DCC: variants seen among roughly 807,000 people sequenced by gnomAD.
DCC encodes the protein netrin receptor DCC.
DCC carries 58 observed loss-of-function variants against 172.5 expected under a neutral mutation model. The ratio of observed to expected loss-of-function variants is 0.34; its 90% CI spans 0.27 to 0.42. The LOEUF (loss-of-function observed/expected upper bound fraction) is 0.42. Ranked by LOEUF, DCC falls within the 10% of genes least tolerant of loss-of-function variation. The pLI, the probability that DCC is intolerant of heterozygous loss-of-function variation, is 1.00. For synonymous variants in DCC, 709 were observed against 644.5 expected, an observed-to-expected ratio of 1.10 and a Z score of -1.52; for missense variants, 1,740 against 1,791.0, an observed-to-expected ratio of 0.97 and a Z score of 0.51.
At chr18:52,626,172 T>G (rs2034570662) in intron 1 of DCC, among the ~76,000 whole-genome samples, 2 of 152,230 alleles carry the variant, frequency 1.3e-5, no homozygotes. Context: ...TCTGCATGGA[T>G]GCCTAGTAAA....
intron 2 of DCC, among the ~76,000 whole-genome samples, chr18:52,821,226 C>T (rs566721427): frequency 2.6e-5 from 4 of 152,256 alleles, no homozygotes; most frequent in African/African-American, 9.6e-5. Flanking sequence ...GGCTCCACTT[C>T]CCCCTTGTTA....
At chr18:52,762,491 A>AT (rs1568087306) in intron 2 of DCC, among the ~76,000 whole-genome samples, 2 of 151,216 alleles carry the variant, frequency 1.3e-5, no homozygotes, top group South Asian at 2.1e-4. Flanking sequence ...AAAAACAAAC[A>AT]TTTTTTAAAC....
chr18:53,173,808 T>C (rs1309822822), intron 8 of DCC, among the ~76,000 whole-genome samples: 1 of 136,226 alleles, frequency 7.3e-6, no homozygotes, highest in Admixed American at 7.6e-5. Context: ...GGAATTGAAC[T>C]CAGCTCTGCA....
chr18:53,338,757 T>C (rs898592195), intron 14 of DCC, among the ~76,000 whole-genome samples: 3 of 152,170 alleles, frequency 2.0e-5, no homozygotes, highest in African/African-American at 7.2e-5. Context: ...AAAGAAAATA[T>C]ATGTCAGGGT....
intron 15 of DCC, among the ~76,000 whole-genome samples, chr18:53,344,691 C>T (rs2057703123): frequency 6.6e-6 from 1 of 151,716 alleles, no homozygotes; most frequent in Non-Finnish European, 1.5e-5. Context: ...CCATCCACCT[C>T]AGCCTCTCAA....
intron 1 of DCC, among the ~76,000 whole-genome samples, chr18:52,541,927 G>A (rs2032472608): frequency 1.6e-5 from 2 of 128,002 alleles, no homozygotes; most frequent in Admixed American, 1.6e-4. Flanking sequence ...AATCCTTTTA[G>A]AAGCAAAAGA....
At chr18:53,169,479 C>A (rs1363120801) in intron 8 of DCC, among the ~76,000 whole-genome samples, 2 of 152,134 alleles carry the variant, frequency 1.3e-5, no homozygotes, top group South Asian at 2.1e-4. Flanking sequence ...CAGGCAGGCA[C>A]AAGTGGCTTG....
At chr18:53,376,783 C>T (rs1045590411) in intron 15 of DCC, among the ~76,000 whole-genome samples, 2 of 152,094 alleles carry the variant, frequency 1.3e-5, no homozygotes, top group Non-Finnish European at 1.5e-5. Flanking sequence ...ATCTTTTCTC[C>T]CCTCTTGACT....
chr18:52,549,340 C>T (rs1015186616), intron 1 of DCC, among the ~76,000 whole-genome samples: 1 of 152,068 alleles, frequency 6.6e-6, no homozygotes, highest in Admixed American at 6.6e-5. Flanking sequence ...TTTCTCCCCT[C>T]TTCTAACCAG....
intron 25 of DCC, among the ~76,000 whole-genome samples, chr18:53,477,347 GCA>G (rs988947060): frequency 2.2e-4 from 33 of 152,082 alleles, no homozygotes; most frequent in Non-Finnish European, 8.8e-5. Flanking sequence ...ATAGCCCTTT[GCA>G]TCTGAGATGA....
At chr18:52,805,138 T>A (rs137900260) in intron 2 of DCC, among the ~76,000 whole-genome samples, 436 of 152,304 alleles carry the variant, frequency 2.9e-3, no homozygotes, top group Middle Eastern at 0.014. Context: ...TGAAAATGCA[T>A]ACAAATATGT....
intron 12 of DCC, among the ~76,000 whole-genome samples, chr18:53,220,665 T>A (rs904725937): frequency 2.9e-4 from 44 of 152,230 alleles, no homozygotes; most frequent in Non-Finnish European, 1.2e-4. Flanking sequence ...CTCACAAGCT[T>A]AACAATGACA....
At chr18:53,190,728 C>T (rs1273635455) in intron 9 of DCC, among the ~76,000 whole-genome samples, 6 of 152,038 alleles carry the variant, frequency 3.9e-5, no homozygotes, top group African/African-American at 1.4e-4. Context: ...GGGTGGATCA[C>T]GAGGTCAGGA....
chr18:52,429,037 T>C (rs2061119121), intron 1 of DCC, among the ~76,000 whole-genome samples: 1 of 152,112 alleles, frequency 6.6e-6, no homozygotes, highest in Non-Finnish European at 1.5e-5. Context: ...TTTCGCACTT[T>C]ACTTCTGCTA....
intron 13 of DCC, among the ~76,000 whole-genome samples, chr18:53,319,379 A>C (rs1465407383): frequency 4.6e-5 from 7 of 152,202 alleles, no homozygotes; most frequent in Non-Finnish European, 7.3e-5. Context: ...TCTCACTTGC[A>C]GAGACACACA....
intron 20 of DCC, among the ~76,000 whole-genome samples, chr18:53,413,883 G>T (rs1376879782): frequency 6.6e-6 from 1 of 152,124 alleles, no homozygotes; most frequent in Non-Finnish European, 1.5e-5. Flanking sequence ...GGTCATTCTT[G>T]CTGGGGACCT....
intron 2 of DCC, among the ~76,000 whole-genome samples, chr18:52,813,407 A>T (rs898927725): frequency 6.6e-6 from 1 of 152,050 alleles, no homozygotes; most frequent in African/African-American, 2.4e-5. Context: ...GGCACATGAG[A>T]TGACTCTTGA....
intron 1 of DCC, among the ~76,000 whole-genome samples, chr18:52,409,698 G>A (rs779490223): frequency 5.3e-5 from 8 of 152,152 alleles, no homozygotes; most frequent in Non-Finnish European, 1.2e-4. Flanking sequence ...TGGATAGAGA[G>A]CCTTCTTCAC....
intron 27 of DCC, among the ~76,000 whole-genome samples, chr18:53,500,471 T>G (rs2046083256): frequency 6.6e-6 from 1 of 152,142 alleles, no homozygotes; most frequent in South Asian, 2.1e-4. Context: ...CTAACTTTTC[T>G]GTTACTCAGA....
Sources: gnomAD v4.1 joint callset for allele counts (sites outside exome capture counted in the v4.1 genomes callset) on GRCh38, gnomAD v4.1.1 for gene constraint, MANE v1.5 for transcripts, NCBI Gene and HGNC (gene_info 2026-07-23, HGNC 2026-07-21) for gene names.